RAD23B: variants seen among roughly 807,000 people sequenced by gnomAD.
The protein encoded by RAD23B is RAD23 nucleotide excision repair protein B, also known as lysine-specific demethylase RAD23B.
In RAD23B, 5 loss-of-function variants were observed where a neutral mutation model predicts 49.1. That is an observed-to-expected ratio of 0.10 (90% CI 0.05 to 0.21). The LOEUF (loss-of-function observed/expected upper bound fraction) is 0.21, where lower values mean the gene tolerates loss of function less well. Ranked by LOEUF, RAD23B falls within the 10% of genes least tolerant of loss-of-function variation. The pLI is 1.00. For synonymous variants in RAD23B, 184 were observed against 165.4 expected (o/e 1.11, Z -0.86); for missense variants, 356 against 486.7 (o/e 0.73, Z 2.53).
rs1345924888 is a variant in RAD23B at position 107,331,999 on chromosome 9, A to C, written c.*2343A>C. ...TTCGAGGTATACTGTCATTTCTTGA[A>C]ATCTTTTTCTCGTTTAGTTGCTCTG... On this transcript the variant is annotated 3_prime_UTR_variant, in exon 10 of 10. Coordinates refer to ENST00000358015, the MANE Select transcript of RAD23B (RefSeq NM_002874.5). 2.6e-6 allele frequency: 1 copy of C among 388,348 alleles called. No homozygotes were observed. Among genetic ancestry groups the C allele is most frequent in the African/African-American group, 2.1e-5 (1 of 48,444 alleles). 24.1% of individuals were successfully genotyped at this position (388,348 alleles called of 1,614,324 possible). A position where few individuals can be genotyped will look rare whatever the true frequency, so the allele number is the denominator to read the frequency against.
At chr9:107,321,161 A>G (rs1269159987) in intron 6 of RAD23B, among the ~76,000 whole-genome samples, 2 of 152,210 alleles carry the variant, frequency 1.3e-5, no homozygotes, top group Non-Finnish European at 2.9e-5. Context: ...GGCATCACCT[A>G]AAAACTAAAT....
At chr9:107,286,808 C>T (rs1833279626) in intron 1 of RAD23B, among the ~76,000 whole-genome samples, 1 of 152,144 alleles carries the variant, frequency 6.6e-6, no homozygotes, top group Admixed American at 6.5e-5. Context: ...TGTGGTGGCT[C>T]ATGCCTGTAA....
rs757276908 is a variant in RAD23B at position 107,311,712 on chromosome 9, T to C, written c.528T>C (p.Leu176=). The change falls in exon 5 of 10, where the codon CTT becomes CTC. Residue 176 remains leucine, a synonymous_variant. Coordinates refer to ENST00000358015, the MANE Select transcript of RAD23B (RefSeq NM_002874.5). The stretch of plus-strand genomic sequence containing the variant: ...CGGGTGATTCTTCTCGGTCAAACCT[T>C]TTTGAAGATGCAACGAGTGCACTTG... ...STSGDSSRSN[L]FEDATSALVT... is the part of the protein sequence containing the mutation. 6.4e-7 allele frequency: 1 copy of C among 1,571,454 alleles called. No individual in the cohort carries two copies. Among genetic ancestry groups the C allele is most frequent in the Non-Finnish European group, 8.6e-7 (1 of 1,167,194 alleles).
Position 107,302,021 on chromosome 9 carries a change from T to C in RAD23B, c.149-14T>C. 6.2e-7 allele frequency: 1 copy of C among 1,608,586 alleles called. No individual in the cohort carries two copies. On this transcript the variant is annotated splice_polypyrimidine_tract_variant and intron_variant, in intron 2 of 9. Coordinates refer to ENST00000358015, the MANE Select transcript of RAD23B (RefSeq NM_002874.5). ...TTATGCCTTAAATGATTTTTTTTTC[T>C]CTTAATGTATTAGGCAAAATCCTCA...
At chr9:107,327,831 T>C (rs1007539648) in intron 9 of RAD23B, among the ~76,000 whole-genome samples, 3 of 152,196 alleles carry the variant, frequency 2.0e-5, no homozygotes, top group African/African-American at 7.2e-5. Context: ...GTCTCTATTA[T>C]TGTTAATTGC....
At chr9:107,303,360 G>A (rs1383126421) in intron 3 of RAD23B, among the ~76,000 whole-genome samples, 3 of 152,140 alleles carry the variant, frequency 2.0e-5, no homozygotes, top group Admixed American at 6.5e-5. Context: ...TTTTGTACTG[G>A]GAGCAAGCAG....
Position 107,326,024 on chromosome 9 carries a change from G to C in RAD23B, c.1116+1020G>C, listed in dbSNP as rs554784519. ...GTCCTTTAGTATGCTTTATTACATT[G>C]ATTGATTTTGTATGTTGAACCAACC... On this transcript the variant is annotated intron_variant, in intron 9 of 9. Transcript: ENST00000358015. 2.2e-4 allele frequency among the ~76,000 whole-genome samples: 33 copies of C among 152,196 alleles called. No individual in the cohort carries two copies. In the South Asian group the frequency reaches 3.3e-3, roughly 15 times the overall value.
chr9:107,311,217 C>G (rs1483573654), intron 4 of RAD23B, among the ~76,000 whole-genome samples: 2 of 152,062 alleles, frequency 1.3e-5, no homozygotes, highest in Non-Finnish European at 2.9e-5. Flanking sequence ...TTTCAGTGTC[C>G]TCATTCAGAA....
intron 1 of RAD23B, among the ~76,000 whole-genome samples, chr9:107,299,056 C>T (rs751573696): frequency 1.6e-4 from 24 of 152,110 alleles, no homozygotes; most frequent in Non-Finnish European, 2.6e-4. Context: ...TCTTTATTTC[C>T]GTCTCCTCAT....
rs1028131235 is a variant in RAD23B, at chr9:107,283,710, C to T, written c.66+15C>T. 11 of 1,456,292 alleles carry T rather than the reference C, an allele frequency of 7.6e-6. No individual in the cohort carries two copies. Among genetic ancestry groups the T allele is most frequent in the East Asian group, 3.2e-5 (1 of 31,104 alleles). 90.2% of individuals were successfully genotyped at this position (1,456,292 alleles called of 1,614,324 possible). On this transcript the variant is annotated intron_variant, in intron 1 of 9. Transcript: ENST00000358015. ...CCGAGGAGACGGTATGCGCGCGGGC[C>T]GGGGGCAGGGGCAGCCGCGTGCGGG...
At chr9:107,324,700 C>CTG in intron 8 of RAD23B, 134 bp from the exon 9 acceptor site, 1 of 871,092 alleles carries the variant, frequency 1.1e-6, no homozygotes, top group Non-Finnish European at 1.6e-6. Flanking sequence ...CTTCCAAAGA[C>CTG]TGAATAATCC....
chr9:107,306,602 A>G lies in RAD23B; in HGVS notation c.452A>G (p.Lys151Arg). The G allele has an allele frequency of 1.2e-6, 2 of 1,614,196 alleles. No individual in the cohort carries two copies. Among genetic ancestry groups the G allele is most frequent in the Non-Finnish European group, 1.7e-6 (2 of 1,180,030 alleles). ...SAAKQEKPAE[K>R]PAETPVATSP... ...GCTAAACAAGAGAAGCCTGCAGAAA[A>G]GCCAGCAGAGACACCAGTGGCTACT... Residue 151 changes from lysine (K) to arginine (R), a missense_variant, in exon 4 of 10, where the codon AAG (lysine) becomes AGG (arginine). Physicochemically the swap from Lys to Arg is conservative, Grantham distance 26. Coordinates refer to ENST00000358015, the MANE Select transcript of RAD23B (RefSeq NM_002874.5).
intron 7 of RAD23B, 54 bp from the exon 8 acceptor site, chr9:107,323,836 C>G: frequency 2.0e-6 from 3 of 1,485,846 alleles, no homozygotes; most frequent in South Asian, 2.3e-5. Flanking sequence ...TATTTAACCA[C>G]TGTTTGTGTA....
chr9:107,309,930 C>CAAAAA (rs34745859), intron 4 of RAD23B, among the ~76,000 whole-genome samples: 33 of 75,428 alleles, frequency 4.4e-4, no homozygotes, highest in Admixed American at 1.2e-3. Context: ...GACTCCATCT[C>CAAAAA]AAAAAAAAAA....
chr9:107,287,662 T>G (rs2133061553), intron 1 of RAD23B, among the ~76,000 whole-genome samples: 1 of 152,066 alleles, frequency 6.6e-6, no homozygotes, highest in South Asian at 2.1e-4. Flanking sequence ...TGGTGAAACC[T>G]GGTCTCTACT....
At chr9:107,305,450 G>A (rs1826742965) in intron 3 of RAD23B, among the ~76,000 whole-genome samples, 1 of 152,226 alleles carries the variant, frequency 6.6e-6, no homozygotes, top group African/African-American at 2.4e-5. Context: ...AGGTGGCAGA[G>A]ATGGAGGAGG....
At chr9:107,313,265 G>A (rs568735959) in intron 5 of RAD23B, among the ~76,000 whole-genome samples, 3 of 150,060 alleles carry the variant, frequency 2.0e-5, no homozygotes, top group South Asian at 2.1e-4. Flanking sequence ...TCACTCTGTC[G>A]CCCAGGCTGG....
chr9:107,306,703 C>G, intron 4 of RAD23B, 56 bp downstream of exon 4: 1 of 1,529,412 alleles, frequency 6.5e-7, no homozygotes, highest in African/African-American at 1.4e-5. Context: ...ACAGGAACTT[C>G]ATGCATTTAT....
chr9:107,331,580 T>C lies in RAD23B; in HGVS notation c.*1924T>C. 1 of 704,008 alleles carries C rather than the reference T, an allele frequency of 1.4e-6. No individual in the cohort carries two copies. The allele number at this position is 704,008 out of a possible 1,614,324, so 43.6% of individuals were successfully genotyped here. A position where few individuals can be genotyped will look rare whatever the true frequency, so the allele number is the denominator to read the frequency against. On this transcript the variant is annotated 3_prime_UTR_variant, in exon 10 of 10. Transcript: ENST00000358015. ...TTCATATATACGTTCATCTTTCAAG[T>C]CAGAGCAATGAGTTGGGAAAAGAGG...
Sources: gnomAD v4.1 joint callset for allele counts (sites outside exome capture counted in the v4.1 genomes callset) on GRCh38, gnomAD v4.1.1 for gene constraint, MANE v1.5 for transcripts, NCBI Gene and HGNC (gene_info 2026-07-23, HGNC 2026-07-21) for gene names.